AVL9: variants seen among roughly 807,000 people sequenced by gnomAD.
AVL9 encodes the protein AVL9 cell migration associated.
A neutral mutation model predicts 79.2 loss-of-function variants in AVL9; 49 were observed. That is an observed-to-expected ratio of 0.62 (90% confidence interval 0.49 to 0.79). The LOEUF (loss-of-function observed/expected upper bound fraction) is 0.79, where lower values mean the gene tolerates loss of function less well. AVL9 is among the 30% of genes least tolerant of loss of function. AVL9 has a pLI of 0.00. For missense variants in AVL9, 682 were observed against 776.8 expected (o/e 0.88, Z 1.45); for synonymous variants, 299 against 280.6 (o/e 1.07, Z -0.65).
chr7:32,561,683 T>C (rs1790340196), intron 10 of AVL9, among the ~76,000 whole-genome samples: 1 of 152,222 alleles, frequency 6.6e-6, no homozygotes. Context: ...AGTAGCACTT[T>C]TAATTTCCTT....
At position 32,559,248 on chromosome 7, in the gene AVL9, T is replaced by C; in HGVS notation, c.999T>C (p.Thr333=). Residue 333 remains threonine (T), a synonymous_variant, in exon 10 of 16, where the codon ACT becomes ACC. Transcript: ENST00000318709. ...ATTCTTCAGAAAGTGACTGGGAAACTTTGGATCCTAGTGTCTTAGAGGACC... is the reference window on the plus strand; with the variant it reads ...ATTCTTCAGAAAGTGACTGGGAAACCTTGGATCCTAGTGTCTTAGAGGACC... ...SPDSSESDWE[T]LDPSVLEDPN... 6.2e-7 allele frequency: 1 copy of C among 1,614,226 alleles called. No individual in the cohort carries two copies.
chr7:32,501,410 TTAC>T (rs1171372596), intron 1 of AVL9, among the ~76,000 whole-genome samples: 1 of 152,238 alleles, frequency 6.6e-6, no homozygotes, highest in Non-Finnish European at 1.5e-5. Context: ...GCTGCTAGTT[TTAC>T]AGAAACTTTG....
At chr7:32,564,344 C>G (rs1248624025) in intron 10 of AVL9, among the ~76,000 whole-genome samples, 1 of 152,144 alleles carries the variant, frequency 6.6e-6, no homozygotes. Context: ...CTGACTTTTT[C>G]ATGTCAGTAA....
At chr7:32,500,945 G>A (rs1037511540) in intron 1 of AVL9, among the ~76,000 whole-genome samples, 2 of 152,144 alleles carry the variant, frequency 1.3e-5, no homozygotes, top group Non-Finnish European at 2.9e-5. Context: ...TGAGACCTCT[G>A]TTCTGTCCCG....
chr7:32,517,873 C>T (rs1257283201), intron 1 of AVL9, among the ~76,000 whole-genome samples: 3 of 151,826 alleles, frequency 2.0e-5, no homozygotes, highest in East Asian at 1.9e-4. Context: ...GCTTTGTCAC[C>T]TTGGCTGGAG....
intron 1 of AVL9, among the ~76,000 whole-genome samples, chr7:32,529,842 A>G (rs1447938321): frequency 6.6e-6 from 1 of 152,190 alleles, no homozygotes; most frequent in Non-Finnish European, 1.5e-5. Flanking sequence ...AGATGTCCTT[A>G]TGCACCCCTT....
intron 11 of AVL9, among the ~76,000 whole-genome samples, chr7:32,571,027 C>G (rs1790816611): frequency 6.8e-6 from 1 of 146,664 alleles, no homozygotes; most frequent in Non-Finnish European, 1.5e-5. Context: ...GTCAGGAGTT[C>G]GAGACCAGCC....
chr7:32,518,702 T>G (rs1030561062), intron 1 of AVL9, among the ~76,000 whole-genome samples: 1 of 152,144 alleles, frequency 6.6e-6, no homozygotes, highest in Non-Finnish European at 1.5e-5. Flanking sequence ...AAGAAGGATA[T>G]GTAGGACAAA....
rs767419356 is a variant in AVL9 at position 32,543,247 on chromosome 7, A to G, written c.200A>G (p.His67Arg). The G allele has an allele frequency of 1.2e-6, 2 of 1,614,148 alleles. No individual in the cohort carries two copies. Among genetic ancestry groups the G allele is most frequent in the Middle Eastern group, 1.6e-4 (1 of 6,062 alleles). Reference protein sequence around the residue: ...LPFLALPDGAHNYQEDTVFFH... With the variant: ...LPFLALPDGARNYQEDTVFFH... ...TTCCTTGCCTTACCAGATGGCGCACACAACTACCAGGAAGGTATGTAACAA... is the reference window on the plus strand; with the variant it reads ...TTCCTTGCCTTACCAGATGGCGCACGCAACTACCAGGAAGGTATGTAACAA... The change falls in exon 2 of 16, where the codon CAC becomes CGC. Residue 67 changes from histidine (H) to arginine (R), a missense_variant. His to Arg is a conservative substitution (Grantham distance 29). Coordinates refer to ENST00000318709, the MANE Select transcript of AVL9 (RefSeq NM_015060.3).
Position 32,570,073 on chromosome 7 carries a change from TGTCACC to T in AVL9, c.1272_1277del (p.Thr425_Val426del). On this transcript the variant is annotated inframe_deletion, in exon 11 of 16. Transcript: ENST00000318709. The stretch of plus-strand genomic sequence containing the variant: ...TGCAGCAGCATCATCTTCTCTCCGA[TGTCACC>T]GTTCGGGGGTTTGTTGCTGGAGCTA... 1 of 1,614,252 alleles carries T rather than the reference TGTCACC, an allele frequency of 6.2e-7. No individual in the cohort carries two copies. Among genetic ancestry groups the T allele is most frequent in the South Asian group, 1.1e-5 (1 of 91,092 alleles).
At chr7:32,530,153 C>A (rs1788587907) in intron 1 of AVL9, among the ~76,000 whole-genome samples, 1 of 152,098 alleles carries the variant, frequency 6.6e-6, no homozygotes, top group African/African-American at 2.4e-5. Flanking sequence ...TAGTTATACA[C>A]ATTTGTGCTA....
intron 1 of AVL9, among the ~76,000 whole-genome samples, chr7:32,496,355 C>T (rs924305731): frequency 4.6e-5 from 7 of 152,230 alleles, no homozygotes; most frequent in Admixed American, 4.6e-4. Context: ...GACTTTGCCT[C>T]CCCCTTCCCA....
At chr7:32,565,040 AT>A (rs924610835) in intron 10 of AVL9, among the ~76,000 whole-genome samples, 15 of 152,144 alleles carry the variant, frequency 9.9e-5, no homozygotes, top group Admixed American at 2.6e-4. Flanking sequence ...TTCTTCCCTG[AT>A]TTTAAGTCTT....
intron 15 of AVL9, among the ~76,000 whole-genome samples, chr7:32,582,101 TTTCTA>T (rs1333457255): frequency 2.0e-5 from 3 of 152,346 alleles, no homozygotes; most frequent in African/African-American, 7.2e-5. Flanking sequence ...TTTCATTCCT[TTTCTA>T]TATTTTTAAC....
chr7:32,578,513 A>T (rs1791199732), intron 13 of AVL9, among the ~76,000 whole-genome samples: 1 of 152,196 alleles, frequency 6.6e-6, no homozygotes, highest in Admixed American at 6.5e-5. Context: ...ACCAAATTAA[A>T]AATAACAAAT....
At chr7:32,568,009 C>G (rs1326809502) in intron 10 of AVL9, among the ~76,000 whole-genome samples, 1 of 151,860 alleles carries the variant, frequency 6.6e-6, no homozygotes, top group African/African-American at 2.4e-5. Flanking sequence ...TGTGAGCCAT[C>G]GCGCCCAGCC....
intron 1 of AVL9, among the ~76,000 whole-genome samples, chr7:32,505,670 G>A (rs1047824089): frequency 6.6e-6 from 1 of 152,056 alleles, no homozygotes; most frequent in African/African-American, 2.4e-5. Context: ...CTAGTACAGA[G>A]GTAGGAGATA....
chr7:32,559,618 C>T (rs1033795158), intron 10 of AVL9, among the ~76,000 whole-genome samples, 154 bp downstream of exon 10: 4 of 152,062 alleles, frequency 2.6e-5, no homozygotes, highest in African/African-American at 7.2e-5. Flanking sequence ...CTGTGGCATC[C>T]GTGACCATAG....
chr7:32,512,907 A>G (rs576556892), intron 1 of AVL9, among the ~76,000 whole-genome samples: 2 of 152,258 alleles, frequency 1.3e-5, no homozygotes, highest in East Asian at 1.9e-4. Flanking sequence ...CACATGTTTC[A>G]TACTGACTCC....
Sources: gnomAD v4.1 joint callset for allele counts (sites outside exome capture counted in the v4.1 genomes callset) on GRCh38, gnomAD v4.1.1 for gene constraint, MANE v1.5 for transcripts, NCBI Gene and HGNC (gene_info 2026-07-23, HGNC 2026-07-21) for gene names.